FMN2: variants seen among roughly 807,000 people sequenced by gnomAD.
FMN2 encodes the protein formin-2.
FMN2 carries 51 observed loss-of-function variants against 142.3 expected under a neutral mutation model. The ratio of observed to expected loss-of-function variants is 0.36; its 90% CI spans 0.29 to 0.45. The LOEUF is 0.45. FMN2 is among the 20% of genes least tolerant of loss of function. The pLI, the probability that FMN2 is intolerant of heterozygous loss-of-function variation, is 1.00. For synonymous variants in FMN2, 882 were observed against 869.8 expected (o/e 1.01, Z -0.25); for missense variants, 1,936 against 2,122.8 (o/e 0.91, Z 1.73).
intron 3 of FMN2, among the ~76,000 whole-genome samples, chr1:240,185,141 A>T: frequency 1.1e-5 from 1 of 94,720 alleles, no homozygotes; most frequent in Admixed American, 1.3e-4. Context: ...TCTCCCTCCT[A>T]TACCTTCCCC....
intron 13 of FMN2, among the ~76,000 whole-genome samples, chr1:240,347,949 G>A (rs765084718): frequency 6.6e-6 from 1 of 152,114 alleles, no homozygotes; most frequent in Non-Finnish European, 1.5e-5. Context: ...CTGTTGATGG[G>A]CAGGCACCCT....
At chr1:240,218,151 C>T (rs1351092175) in intron 6 of FMN2, among the ~76,000 whole-genome samples, 1 of 151,966 alleles carries the variant, frequency 6.6e-6, no homozygotes, top group Non-Finnish European at 1.5e-5. Flanking sequence ...GGCGTGATGG[C>T]ATGCGCCTGT....
intron 13 of FMN2, among the ~76,000 whole-genome samples, chr1:240,351,088 C>T (rs982135349): frequency 3.3e-5 from 5 of 152,152 alleles, no homozygotes; most frequent in African/African-American, 1.2e-4. Flanking sequence ...AATCTATCCT[C>T]AAAACAAGCA....
Position 240,092,653 on chromosome 1 carries a change from G to T in FMN2, c.544G>T (p.Asp182Tyr), listed in dbSNP as rs753648480. The change falls in exon 1 of 18, where the codon GAC (aspartate) becomes TAC (tyrosine). Residue 182 changes from aspartate to tyrosine, a missense_variant. By Grantham distance (160) the Asp-to-Tyr change is radical. Around this residue, in one of 8 missense-constraint regions of FMN2, gnomAD observed 751 missense variants for 791.8 expected, o/e 0.95. Transcript: ENST00000319653. ...AAGGACCAGCTCGGGCTCGGACACG[G>T]ACATCTATAGCTTCCATTCGGCTAC... ...GQRTSSGSDT[D>Y]IYSFHSATEQ... The T allele has an allele frequency of 2.5e-6, 4 of 1,614,122 alleles. No homozygotes were observed. The highest frequency in any genetic ancestry group is 3.4e-6 in the Non-Finnish European group (4 of 1,180,016).
chr1:240,212,865 C>T (rs1666746180), intron 6 of FMN2, among the ~76,000 whole-genome samples: 1 of 151,816 alleles, frequency 6.6e-6, no homozygotes, highest in African/African-American at 2.4e-5. Flanking sequence ...CATGGAGCCT[C>T]TCTCGTCCAG....
intron 15 of FMN2, among the ~76,000 whole-genome samples, chr1:240,436,530 A>G (rs545025546): frequency 1.3e-5 from 2 of 152,214 alleles, no homozygotes; most frequent in South Asian, 4.2e-4. Context: ...TTAAAAAATT[A>G]GCCGGGCATG....
At chr1:240,450,849 T>G (rs900908562) in intron 16 of FMN2, among the ~76,000 whole-genome samples, 1 of 152,176 alleles carries the variant, frequency 6.6e-6, no homozygotes, top group Admixed American at 6.5e-5. Context: ...ACTTCTGCCT[T>G]TACAGAAAGG....
At chr1:240,281,728 G>A (rs1194759015) in intron 7 of FMN2, among the ~76,000 whole-genome samples, 1 of 140,080 alleles carries the variant, frequency 7.1e-6, no homozygotes, top group Non-Finnish European at 1.5e-5. Flanking sequence ...CGCAATAAAG[G>A]AAGGACAAAT....
At chr1:240,160,767 GATAA>G (rs1273418328) in intron 2 of FMN2, among the ~76,000 whole-genome samples, 5 of 151,880 alleles carry the variant, frequency 3.3e-5, no homozygotes, top group African/African-American at 1.2e-4. Flanking sequence ...TGGTCTAGAA[GATAA>G]ATAAGAAATT....
At chr1:240,380,811 T>C (rs1203205431) in intron 14 of FMN2, among the ~76,000 whole-genome samples, 1 of 150,192 alleles carries the variant, frequency 6.7e-6, no homozygotes, top group Non-Finnish European at 1.5e-5. Context: ...AAAAGTTACC[T>C]CTTTGAAACG....
intron 15 of FMN2, among the ~76,000 whole-genome samples, chr1:240,416,124 G>T (rs1009156833): frequency 6.6e-6 from 1 of 152,022 alleles, no homozygotes; most frequent in Non-Finnish European, 1.5e-5. Flanking sequence ...CCTCCCATCA[G>T]TATCTCATCT....
At chr1:240,353,397 G>A (rs1672162542) in intron 13 of FMN2, among the ~76,000 whole-genome samples, 1 of 152,112 alleles carries the variant, frequency 6.6e-6, no homozygotes, top group East Asian at 1.9e-4. Flanking sequence ...TCAGTGGATG[G>A]GTGACCTGGA....
intron 14 of FMN2, among the ~76,000 whole-genome samples, chr1:240,365,729 A>C (rs1672646528): frequency 6.6e-6 from 1 of 152,138 alleles, no homozygotes. Context: ...ATTCACTCAT[A>C]ACTTTGTCTT....
intron 13 of FMN2, among the ~76,000 whole-genome samples, chr1:240,348,420 G>A (rs140152338): frequency 0.017 from 2,517 of 151,324 alleles, 89 homozygotes; most frequent in African/African-American, 0.058. Flanking sequence ...ACAGGGTTTC[G>A]CCATGTTGAC....
intron 8 of FMN2, among the ~76,000 whole-genome samples, chr1:240,316,751 G>A (rs1393203738): frequency 6.6e-6 from 1 of 151,952 alleles, no homozygotes; most frequent in East Asian, 1.9e-4. Context: ...TTTTATTTTA[G>A]ACTCATTATA....
intron 1 of FMN2, among the ~76,000 whole-genome samples, chr1:240,096,666 T>C (rs188531272): frequency 6.6e-6 from 1 of 152,376 alleles, no homozygotes; most frequent in East Asian, 1.9e-4. Context: ...GTGATCATTA[T>C]ATCTATAAGC....
At chr1:240,439,830 CT>C (rs5782142) in intron 16 of FMN2, among the ~76,000 whole-genome samples, 114,270 of 152,012 alleles carry the variant, frequency 0.75, 43,399 homozygotes, top group African/African-American at 0.86. Context: ...AGAGGAAACT[CT>C]TTTTTTAACT....
chr1:240,263,392 C>T (rs937281606), intron 7 of FMN2, among the ~76,000 whole-genome samples: 6 of 152,128 alleles, frequency 3.9e-5, no homozygotes, highest in South Asian at 2.1e-4. Context: ...CTGTTTAGGT[C>T]CTAGGCCTCA....
chr1:240,366,461 GCATGT>G (rs1672671858), intron 14 of FMN2, among the ~76,000 whole-genome samples: 1 of 151,502 alleles, frequency 6.6e-6, no homozygotes, highest in African/African-American at 2.4e-5. Context: ...TCATGTTTTT[GCATGT>G]GGTTCTATTT....
Sources: allele counts gnomAD v4.1 joint callset (sites outside exome capture counted in the v4.1 genomes callset), GRCh38; gene constraint gnomAD v4.1.1; regional missense constraint gnomAD v4.1.1; transcripts MANE v1.5; gene names NCBI Gene and HGNC (gene_info 2026-07-23, HGNC 2026-07-21).